The following MPLKIP variants were observed in gnomAD, a reference collection of about 807,000 sequenced individuals.
MPLKIP encodes M-phase specific PLK1 interacting protein.
Under a neutral mutation model 16.9 loss-of-function variants are expected in MPLKIP, and 16 were observed. The observed-to-expected ratio is 0.94, with a 90% confidence interval of 0.64 to 1.43. The LOEUF (loss-of-function observed/expected upper bound fraction) is 1.43, where lower values mean the gene tolerates loss of function less well. Ranked by LOEUF, MPLKIP falls within the 40% of genes most tolerant of loss-of-function variation. The pLI, the probability that MPLKIP is intolerant of heterozygous loss-of-function variation, is 0.00. For synonymous variants in MPLKIP, 126 were observed against 98.4 expected, an observed-to-expected ratio of 1.28 and a Z score of -1.66; for missense variants, 282 against 237.6, an observed-to-expected ratio of 1.19 and a Z score of -1.23.
At position 40,128,585 on chromosome 7, in the gene MPLKIP, A is replaced by AT. The variant is rs1787421606; in HGVS notation, c.*4473_*4474insA. On this transcript the variant is annotated 3_prime_UTR_variant, in exon 2 of 2. Transcript: ENST00000306984. Reference sequence around the variant, plus strand: ...ATGCAAACTATGCTACTGAGACAGGAATTGAGATATCTTCATCAGGCTCTT... The same window carrying AT: ...ATGCAAACTATGCTACTGAGACAGGATATTGAGATATCTTCATCAGGCTCTT... 4 of 152,178 alleles carry AT rather than the reference A, an allele frequency of 2.6e-5. No homozygotes were observed. The highest frequency in any genetic ancestry group is 5.9e-5 in the Non-Finnish European group (4 of 68,036). The allele number at this position is 152,178 out of a possible 1,614,324, so 9.4% of individuals were successfully genotyped here. A position where few individuals can be genotyped will look rare whatever the true frequency, so the allele number is the denominator to read the frequency against.
Position 40,134,407 on chromosome 7 carries a change from TA to T in MPLKIP, c.160del (p.Tyr54ThrfsTer99). On this transcript the variant is annotated frameshift_variant, in exon 1 of 2. Transcript: ENST00000306984. LOFTEE classifies it high-confidence loss of function. ...CCCGTACGGCCTAGACCGGGGCCCG[TA>T]CGGCGGCGTGTGGTGCGGACTCCCG... ...GYGSPHHTPP[Y>X]GPRSRPYGSS... 1 of 1,562,830 alleles carries T rather than the reference TA, an allele frequency of 6.4e-7. No individual in the cohort carries two copies. Among genetic ancestry groups the T allele is most frequent in the South Asian group, 1.2e-5 (1 of 85,630 alleles).
Position 40,133,217 on chromosome 7 carries a change from T to C in MPLKIP, c.382A>G (p.Arg128Gly), listed in dbSNP as rs755130040. 2 of 1,613,686 alleles carry C rather than the reference T, an allele frequency of 1.2e-6. No homozygotes were observed. Among genetic ancestry groups the C allele is most frequent in the South Asian group, 1.1e-5 (1 of 91,078 alleles). ...AACTCATTAGACATTCTTTTTTCTC[T>C]AACACGCCCTGATCCAAATGGTGTA... ...TSTPFGSGRVREKRMSNELEN... is the reference protein window; with the variant it reads ...TSTPFGSGRVGEKRMSNELEN... Residue 128 changes from arginine (R) to glycine (G), a missense_variant, in exon 2 of 2, where the codon AGA becomes GGA. Transcript: ENST00000306984.
At chr7:40,133,495 AAT>A (rs1264317017) in intron 1 of MPLKIP, among the ~76,000 whole-genome samples, 8 of 152,334 alleles carry the variant, frequency 5.3e-5, no homozygotes, top group Non-Finnish European at 7.3e-5. Context: ...TGTCATCTCA[AAT>A]ACTTTTGTGT....
At chr7:40,134,130 C>T (rs953557266) in intron 1 of MPLKIP, 99 bp downstream of exon 1, 15 of 1,401,432 alleles carry the variant, frequency 1.1e-5, no homozygotes, top group Non-Finnish European at 1.1e-5. Flanking sequence ...AACAATAGTA[C>T]CTCAGAGAGG....
Position 40,127,681 on chromosome 7 carries a change from A to G in MPLKIP, c.*5378T>C, listed in dbSNP as rs190285596. On this transcript the variant is annotated 3_prime_UTR_variant, in exon 2 of 2. Transcript: ENST00000306984. Reference sequence around the variant, plus strand: ...GCAGTATTTTTACTAAGTGGCATATAAAATAATAGTGAATCTCAAAGCATC... The same window carrying G: ...GCAGTATTTTTACTAAGTGGCATATGAAATAATAGTGAATCTCAAAGCATC... 1 of 152,352 alleles carries G rather than the reference A, an allele frequency of 6.6e-6. No individual in the cohort carries two copies. The highest frequency in any genetic ancestry group is 2.4e-5 in the African/African-American group (1 of 41,584). 9.4% of individuals were successfully genotyped at this position (152,352 alleles called of 1,614,324 possible).
rs934690821 is a variant in MPLKIP at position 40,127,790 on chromosome 7, C to T, written c.*5269G>A. On this transcript the variant is annotated 3_prime_UTR_variant, in exon 2 of 2. Transcript: ENST00000306984. ...GGGTGCACTGCCTCACCCATGTAAGCCCAGCACTTTGGGAGGCTGAGGTGG... is the reference window on the plus strand; with the variant it reads ...GGGTGCACTGCCTCACCCATGTAAGTCCAGCACTTTGGGAGGCTGAGGTGG... The T allele has an allele frequency of 1.3e-5, 2 of 152,092 alleles. No homozygotes were observed. The highest frequency in any genetic ancestry group is 4.8e-5 in the African/African-American group (2 of 41,386). 9.4% of individuals were successfully genotyped at this position (152,092 alleles called of 1,614,324 possible).
chr7:40,133,512 TGTA>T (rs1490384487), intron 1 of MPLKIP, among the ~76,000 whole-genome samples: 7 of 152,238 alleles, frequency 4.6e-5, no homozygotes, highest in African/African-American at 1.4e-4. Flanking sequence ...TTGTGTCTAA[TGTA>T]GTAACTTTGC....
rs1219384510 is a variant in MPLKIP, at chr7:40,134,347, G to T, written c.221C>A (p.Pro74Gln). 3.9e-6 allele frequency: 6 copies of T among 1,552,978 alleles called. No individual in the cohort carries two copies. Among genetic ancestry groups the T allele is most frequent in the Admixed American group, 1.9e-5 (1 of 51,422 alleles). ...SHSPRHGGSFPGGRFGSPSPG... is the reference protein window; with the variant it reads ...SHSPRHGGSFQGGRFGSPSPG... Reference sequence around the variant, plus strand: ...GGACGGAGACCCGAACCGGCCCCCCGGGAAGCTGCCGCCGTGTCGCGGAGA... The same window carrying T: ...GGACGGAGACCCGAACCGGCCCCCCTGGAAGCTGCCGCCGTGTCGCGGAGA... Residue 74 changes from proline to glutamine, a missense_variant, in exon 1 of 2, where the codon CCG becomes CAG. By Grantham distance (76) the Pro-to-Gln change is moderately conservative. Transcript: ENST00000306984.
In MPLKIP at chr7:40,134,618, G is replaced by GT; in HGVS notation, c.-52dup. On this transcript the variant is annotated 5_prime_UTR_variant, in exon 1 of 2. Transcript: ENST00000306984. The stretch of plus-strand genomic sequence containing the variant: ...GCAGCCGCGTTCTCCCACCGGAACT[G>GT]TATCAACCGGCCCTCCGCAGAGAAC... 5.3e-6 allele frequency: 8 copies of GT among 1,523,648 alleles called. No individual in the cohort carries two copies. The highest frequency in any genetic ancestry group is 3.6e-5 in the South Asian group (3 of 83,542). 94.4% of individuals were successfully genotyped at this position (1,523,648 alleles called of 1,614,324 possible). A position where few individuals can be genotyped will look rare whatever the true frequency, so the allele number is the denominator to read the frequency against.
rs1423952247 is a variant in MPLKIP, at chr7:40,134,465, C to T, written c.103G>A (p.Gly35Arg). 1.3e-6 allele frequency: 2 copies of T among 1,570,684 alleles called. No homozygotes were observed. The highest frequency in any genetic ancestry group is 1.7e-6 in the Non-Finnish European group (2 of 1,159,996). Residue 35 changes from glycine (G) to arginine (R), a missense_variant, in exon 1 of 2, where the codon GGA becomes AGA. Gly to Arg is a moderately radical substitution (Grantham distance 125, BLOSUM62 -2). Transcript: ENST00000306984. ...SSFRGTPGGG[G>R]PRPPSPRDGY... ...TCTCGAGGGGAGGGCGGCCGTGGTC[C>T]GCCCCCGCCCGGGGTTCCCCGGAAG...
rs1024025734 is a variant in MPLKIP, at chr7:40,132,444, G to C, written c.*615C>G. On this transcript the variant is annotated 3_prime_UTR_variant, in exon 2 of 2. Transcript: ENST00000306984. Reference sequence around the variant, plus strand: ...AGAACACTTTGATTTAGCAATGCATGGTCTATTCTTGCCTTTTCCAGTTAA... The same window carrying C: ...AGAACACTTTGATTTAGCAATGCATCGTCTATTCTTGCCTTTTCCAGTTAA... 6.5e-6 allele frequency: 1 copy of C among 154,698 alleles called. No individual in the cohort carries two copies. Among genetic ancestry groups the C allele is most frequent in the African/African-American group, 2.4e-5 (1 of 41,444 alleles). The allele number at this position is 154,698 out of a possible 1,614,324, so 9.6% of individuals were successfully genotyped here.
At chr7:40,133,283 A>G (rs770861954) in intron 1 of MPLKIP, 24 bp from the exon 2 acceptor site, 13 of 1,594,454 alleles carry the variant, frequency 8.2e-6, no homozygotes, top group Non-Finnish European at 9.4e-6. Context: ...ATCAGTTAAA[A>G]AAACACTTAG....
At position 40,129,444 on chromosome 7, in the gene MPLKIP, A is replaced by G. The variant is rs1787433178; in HGVS notation, c.*3615T>C. The G allele has an allele frequency of 6.6e-6, 1 of 151,888 alleles. No homozygotes were observed. Among genetic ancestry groups the G allele is most frequent in the Non-Finnish European group, 1.5e-5 (1 of 67,990 alleles). 9.4% of individuals were successfully genotyped at this position (151,888 alleles called of 1,614,324 possible). A position where few individuals can be genotyped will look rare whatever the true frequency, so the allele number is the denominator to read the frequency against. On this transcript the variant is annotated 3_prime_UTR_variant, in exon 2 of 2. Coordinates refer to ENST00000306984, the MANE Select transcript of MPLKIP (RefSeq NM_138701.4). ...GCTTATTTTTGTGTTTTTAGTGGAG[A>G]CGAGGCTTTACCATATTGGCCAGGC...
rs760556144 is a variant in MPLKIP, at chr7:40,133,134, T to C, written c.465A>G (p.Val155=). Residue 155 remains valine (V), a synonymous_variant, in exon 2 of 2, where the codon GTA becomes GTG. Transcript: ENST00000306984. ...ATTGTTGGCTTATATCCACTACAGA[T>C]ACTGGTTCTAGGCCAGCCCAAGGAT... is the stretch of plus-strand genomic sequence containing the variant. ...LEDPWAGLEP[V]SVVDISQQYS... The C allele has an allele frequency of 5.0e-6, 8 of 1,613,922 alleles. No individual in the cohort carries two copies. The highest frequency in any genetic ancestry group is 1.7e-5 in the Admixed American group (1 of 60,008).
At position 40,132,906 on chromosome 7, in the gene MPLKIP, T is replaced by C; in HGVS notation, c.*153A>G. 1.4e-6 allele frequency: 1 copy of C among 715,156 alleles called. No homozygotes were observed. The allele number at this position is 715,156 out of a possible 1,614,324, so 44.3% of individuals were successfully genotyped here. On this transcript the variant is annotated 3_prime_UTR_variant, in exon 2 of 2. Coordinates refer to ENST00000306984, the MANE Select transcript of MPLKIP (RefSeq NM_138701.4). ...AGTTATCCTACTTTTTTCTCTAATATCAACAATACCTGATACGATGAAAAA... is the reference window on the plus strand; with the variant it reads ...AGTTATCCTACTTTTTTCTCTAATACCAACAATACCTGATACGATGAAAAA...
Position 40,134,612 on chromosome 7 carries a change from G to T in MPLKIP, c.-45C>A. Reference sequence around the variant, plus strand: ...AACCTCGCAGCCGCGTTCTCCCACCGGAACTGTATCAACCGGCCCTCCGCA... The same window carrying T: ...AACCTCGCAGCCGCGTTCTCCCACCTGAACTGTATCAACCGGCCCTCCGCA... On this transcript the variant is annotated 5_prime_UTR_variant, in exon 1 of 2. Transcript: ENST00000306984. 6.5e-7 allele frequency: 1 copy of T among 1,537,226 alleles called. No homozygotes were observed. The highest frequency in any genetic ancestry group is 1.2e-5 in the South Asian group (1 of 84,096).
intron 1 of MPLKIP, 107 bp from the exon 2 acceptor site, chr7:40,133,366 T>C: frequency 1.1e-6 from 1 of 949,996 alleles, no homozygotes; most frequent in Non-Finnish European, 1.7e-6. Context: ...AGTTGTGACT[T>C]GAACCTAAAT....
rs750866819 is a variant in MPLKIP at position 40,133,201 on chromosome 7, G to A, written c.398C>T (p.Ser133Phe). ...CTTGAAATAATTTTCCAACTCATTA[G>A]ACATTCTTTTTTCTCTAACACGCCC... Reference protein sequence around the residue: ...GSGRVREKRMSNELENYFKPS... With the variant: ...GSGRVREKRMFNELENYFKPS... The change falls in exon 2 of 2, where the codon TCT becomes TTT. Residue 133 changes from serine to phenylalanine, a missense_variant. Coordinates refer to ENST00000306984, the MANE Select transcript of MPLKIP (RefSeq NM_138701.4). 6 of 1,613,772 alleles carry A rather than the reference G, an allele frequency of 3.7e-6. No homozygotes were observed.
Position 40,132,902 on chromosome 7 carries a change from A to T in MPLKIP, c.*157T>A. 1 of 694,090 alleles carries T rather than the reference A, an allele frequency of 1.4e-6. No individual in the cohort carries two copies. Among genetic ancestry groups the T allele is most frequent in the Admixed American group, 2.4e-5 (1 of 40,866 alleles). The allele number at this position is 694,090 out of a possible 1,614,324, so 43.0% of individuals were successfully genotyped here. ...TGCAAGTTATCCTACTTTTTTCTCTAATATCAACAATACCTGATACGATGA... is the reference window on the plus strand; with the variant it reads ...TGCAAGTTATCCTACTTTTTTCTCTTATATCAACAATACCTGATACGATGA... On this transcript the variant is annotated 3_prime_UTR_variant, in exon 2 of 2. Transcript: ENST00000306984.
Sources: allele counts gnomAD v4.1 joint callset (sites outside exome capture counted in the v4.1 genomes callset), GRCh38; gene constraint gnomAD v4.1.1; transcripts MANE v1.5; gene names NCBI Gene and HGNC (gene_info 2026-07-23, HGNC 2026-07-21).